SGCD: variants seen among roughly 807,000 people sequenced by gnomAD.
SGCD encodes the protein sarcoglycan delta, also known as delta-sarcoglycan.
SGCD carries 18 observed loss-of-function variants against 36.6 expected under a neutral mutation model. The observed-to-expected ratio is 0.49, with a 90% CI of 0.34 to 0.73. The LOEUF (loss-of-function observed/expected upper bound fraction) is 0.73, where lower values mean the gene tolerates loss of function less well. SGCD is among the 30% of genes least tolerant of loss of function. The probability of loss-of-function intolerance (pLI) is 0.01; values close to 1 mark genes in which losing one functional copy is unlikely to be tolerated. For synonymous variants in SGCD, 133 were observed against 130.6 expected, an observed-to-expected ratio of 1.02 and a Z score of -0.12; for missense variants, 387 against 346.7, an observed-to-expected ratio of 1.12 and a Z score of -0.92.
At chr5:155,961,031 G>C (rs1305717892) in intron 1 of SGCD, among the ~76,000 whole-genome samples, 1 of 152,056 alleles carries the variant, frequency 6.6e-6, no homozygotes, top group East Asian at 1.9e-4. Context: ...TCAGTAACTA[G>C]GACTTTCAGA....
In SGCD at chr5:156,266,609, A is replaced by G. The variant is rs1766005443; in HGVS notation, c.-43-62925A>G. Among the ~76,000 whole-genome samples, 3 of 152,156 alleles carry G rather than the reference A, an allele frequency of 2.0e-5. No homozygotes were observed. In the South Asian group the frequency reaches 6.2e-4, roughly 32 times the overall value. On this transcript the variant is annotated intron_variant, in intron 3 of 9. Coordinates refer to the SGCD transcript ENST00000517913. The stretch of plus-strand genomic sequence containing the variant: ...GCTATCCTCCTGCCTTAGTCTCCCA[A>G]ATAGCTGGGATTACAGGCACACACC...
chr5:155,779,353 G>A, the SGCD span, among the ~76,000 whole-genome samples: 25 of 152,012 alleles, frequency 1.6e-4, no homozygotes, highest in Non-Finnish European at 2.9e-4. Context: ...TGGGAGAATT[G>A]CTAGAGCCTG....
chr5:155,937,232 A>T (rs1187852836), intron 1 of SGCD, among the ~76,000 whole-genome samples: 1 of 152,110 alleles, frequency 6.6e-6, no homozygotes, highest in African/African-American at 2.4e-5. Context: ...CCCGGCTCCC[A>T]CTGGCTCCAT....
chr5:155,754,219 A>T, the SGCD span, among the ~76,000 whole-genome samples: 6 of 152,238 alleles, frequency 3.9e-5, no homozygotes, highest in Admixed American at 6.5e-5. Flanking sequence ...TATATCTGTT[A>T]GGAATAGTAA....
At chr5:156,741,284 C>CA (rs767557835) in intron 7 of SGCD, among the ~76,000 whole-genome samples, 2 of 152,164 alleles carry the variant, frequency 1.3e-5, no homozygotes, top group African/African-American at 4.8e-5. Flanking sequence ...ACAATTTCAA[C>CA]AAAAAATGAG....
At chr5:156,298,095 TC>T (rs1469988166) in intron 3 of SGCD, among the ~76,000 whole-genome samples, 1 of 152,130 alleles carries the variant, frequency 6.6e-6, no homozygotes, top group Non-Finnish European at 1.5e-5. Context: ...TCCGTCCATG[TC>T]ACAAATGACA....
intron 3 of SGCD, among the ~76,000 whole-genome samples, chr5:156,164,382 C>T (rs562928686): frequency 6.8e-6 from 1 of 147,894 alleles, no homozygotes; most frequent in African/African-American, 2.7e-5. Context: ...AATGTGAATG[C>T]CTTTTTTTTC....
At chr5:156,036,274 A>C (rs1477558483) in intron 1 of SGCD, among the ~76,000 whole-genome samples, 1 of 152,182 alleles carries the variant, frequency 6.6e-6, no homozygotes, top group East Asian at 1.9e-4. Context: ...GGTGGCTAAC[A>C]CTTAAGATCC....
In SGCD at chr5:156,401,244, A is replaced by G. The variant is rs375740143; in HGVS notation, c.192+56567A>G. Among the ~76,000 whole-genome samples, 33 of 152,350 alleles carry G rather than the reference A, an allele frequency of 2.2e-4. No individual in the cohort carries two copies. The South Asian group carries it at 6.8e-3, about 32-fold the overall frequency. On this transcript the variant is annotated intron_variant, in intron 3 of 8. Coordinates refer to ENST00000337851, the MANE Select transcript of SGCD (RefSeq NM_000337.6). ...AGGGCAGCTATGAAAAGCAAAGAAT[A>G]TGTATTTTTAATAAGTTCCCCAATT...
intron 7 of SGCD, chr5:156,738,701 G>C (rs1474817098): frequency 6.6e-6 from 1 of 152,176 alleles, no homozygotes; most frequent in East Asian, 1.9e-4. Flanking sequence ...ATTAGAGTTA[G>C]GAACAAAAGA....
chr5:156,691,026 G>A (rs1410575120), intron 7 of SGCD, among the ~76,000 whole-genome samples: 2 of 151,800 alleles, frequency 1.3e-5, no homozygotes, highest in African/African-American at 2.4e-5. Context: ...GGCCAACATG[G>A]TGAAACCCTG....
chr5:155,896,172 T>C (rs1756252882), intron 1 of SGCD, among the ~76,000 whole-genome samples: 1 of 152,212 alleles, frequency 6.6e-6, no homozygotes, highest in South Asian at 2.1e-4. Context: ...GTAAGTCGAT[T>C]GATTCTGCAA....
chr5:155,835,709 C>T, the SGCD span, among the ~76,000 whole-genome samples: 1 of 152,102 alleles, frequency 6.6e-6, no homozygotes, highest in Non-Finnish European at 1.5e-5. Flanking sequence ...ATCATTATTT[C>T]AATTGCCCAT....
chr5:155,833,602 T>C, the SGCD span, among the ~76,000 whole-genome samples: 1 of 152,192 alleles, frequency 6.6e-6, no homozygotes, highest in East Asian at 1.9e-4. Flanking sequence ...TTTGAAGAAT[T>C]TGAAACCAAG....
rs117844117 is a variant in SGCD, at chr5:156,628,864, C to T, written c.503-18600C>T. ...TTTTAATATCAAGTCTTAGTGCTCC[C>T]ACTTAACTAGAGTTGGGATCATAGC... On this transcript the variant is annotated intron_variant, in intron 6 of 8. Transcript: ENST00000337851. Among the ~76,000 whole-genome samples the T allele has an allele frequency of 2.6e-4, 40 of 152,278 alleles. No individual in the cohort carries two copies. In the East Asian group the frequency reaches 7.7e-3, roughly 29 times the overall value.
chr5:156,080,632 T>C (rs959903223), intron 1 of SGCD, among the ~76,000 whole-genome samples: 10 of 152,300 alleles, frequency 6.6e-5, no homozygotes, highest in South Asian at 2.1e-4. Flanking sequence ...AATAATCCAT[T>C]TGAAGCCCAA....
chr5:156,717,905 G>A (rs1168057536), intron 7 of SGCD, among the ~76,000 whole-genome samples: 1 of 151,704 alleles, frequency 6.6e-6, no homozygotes, highest in Non-Finnish European at 1.5e-5. Flanking sequence ...TTTCCTATGT[G>A]ACCCCTCTTG....
intron 7 of SGCD, among the ~76,000 whole-genome samples, chr5:156,702,505 T>TAAAACA (rs987813442): frequency 2.6e-5 from 4 of 152,088 alleles, no homozygotes; most frequent in African/African-American, 9.7e-5. Flanking sequence ...CTCATCCTAA[T>TAAAACA]AAAACCAAAA....
chr5:156,022,328 G>A (rs558411380), intron 1 of SGCD, among the ~76,000 whole-genome samples: 2 of 152,198 alleles, frequency 1.3e-5, no homozygotes, highest in Non-Finnish European at 2.9e-5. Flanking sequence ...GTACTGAAAC[G>A]AGCTCACCTT....
Sources: gnomAD v4.1 joint callset for allele counts (sites outside exome capture counted in the v4.1 genomes callset) on GRCh38, gnomAD v4.1.1 for gene constraint, MANE v1.5 for transcripts, NCBI Gene and HGNC (gene_info 2026-07-23, HGNC 2026-07-21) for gene names.